The following DROSHA variants were observed in gnomAD, a reference collection of about 807,000 sequenced individuals.
DROSHA encodes the protein drosha ribonuclease III.
In DROSHA, 56 loss-of-function variants were observed where a neutral mutation model predicts 181.9. The observed-to-expected ratio is 0.31, with a 90% confidence interval of 0.25 to 0.38. The LOEUF (loss-of-function observed/expected upper bound fraction) is 0.38, where lower values mean the gene tolerates loss of function less well. DROSHA is among the 10% of genes least tolerant of loss of function. The pLI, the probability that DROSHA is intolerant of heterozygous loss-of-function variation, is 1.00. For synonymous variants in DROSHA, 524 were observed against 591.2 expected, an observed-to-expected ratio of 0.89 and a Z score of 1.65; for missense variants, 1,218 against 1,743.5, an observed-to-expected ratio of 0.70 and a Z score of 5.37.
At chr5:31,521,100 T>C (rs776021467) in intron 6 of DROSHA, 23 bp downstream of exon 6, 2 of 1,610,428 alleles carry the variant, frequency 1.2e-6, no homozygotes, top group Admixed American at 1.7e-5. Context: ...TATGACTTCT[T>C]TCAGTGTCAA....
At chr5:31,454,356 G>C (rs1417265783) in intron 20 of DROSHA, among the ~76,000 whole-genome samples, 1 of 152,194 alleles carries the variant, frequency 6.6e-6, no homozygotes, top group African/African-American at 2.4e-5. Flanking sequence ...TTTCGCAAGA[G>C]AGGGAAACGA....
chr5:31,446,813 A>T (rs1746361862), intron 23 of DROSHA, among the ~76,000 whole-genome samples: 1 of 152,126 alleles, frequency 6.6e-6, no homozygotes, highest in Admixed American at 6.5e-5. Flanking sequence ...CCCAAGGCAG[A>T]TGGATAACTT....
rs138673930 is a variant in DROSHA at position 31,422,195 on chromosome 5, C to G, written c.3419+592G>C. ...ACAAAAAAAAATCTATGATAAGAATCTTTCATCTTTACAGGTTAAAGAGAG... is the reference window on the plus strand; with the variant it reads ...ACAAAAAAAAATCTATGATAAGAATGTTTCATCTTTACAGGTTAAAGAGAG... On this transcript the variant is annotated intron_variant, in intron 29 of 35. Coordinates refer to ENST00000344624, the MANE Select transcript of DROSHA (RefSeq NM_001382508.1). Among the ~76,000 whole-genome samples the G allele has an allele frequency of 1.1e-3, 163 of 151,838 alleles. No individual in the cohort carries two copies. The Middle Eastern group carries it at 0.014, about 13-fold the overall frequency.
intron 6 of DROSHA, 116 bp downstream of exon 6, chr5:31,521,007 A>T (rs1739828045): frequency 1.0e-6 from 1 of 953,918 alleles, no homozygotes. Flanking sequence ...TTCACAGGTC[A>T]TCTTGGACAG....
intron 20 of DROSHA, among the ~76,000 whole-genome samples, chr5:31,459,408 A>G (rs1447944975): frequency 9.1e-6 from 1 of 109,698 alleles, no homozygotes; most frequent in Non-Finnish European, 1.9e-5. Flanking sequence ...CAAGACTCCC[A>G]TGTCTTAAAA....
intron 23 of DROSHA, among the ~76,000 whole-genome samples, chr5:31,447,432 T>C (rs992658803): frequency 5.3e-5 from 8 of 152,190 alleles, no homozygotes; most frequent in African/African-American, 1.4e-4. Context: ...ACATAATGCC[T>C]ATCAAAATCC....
At chr5:31,485,570 G>A (rs766413140) in intron 14 of DROSHA, among the ~76,000 whole-genome samples, 4 of 145,506 alleles carry the variant, frequency 2.7e-5, no homozygotes, top group Non-Finnish European at 4.5e-5. Context: ...GTGAGATCAC[G>A]CCAGAAGTCA....
chr5:31,491,297 C>T (rs1752374050), intron 13 of DROSHA, among the ~76,000 whole-genome samples: 1 of 148,726 alleles, frequency 6.7e-6, no homozygotes, highest in Non-Finnish European at 1.5e-5. Context: ...ATGGTAAACA[C>T]TTTTCATGTG....
At chr5:31,478,125 G>A (rs537312048) in intron 16 of DROSHA, among the ~76,000 whole-genome samples, 8 of 152,136 alleles carry the variant, frequency 5.3e-5, no homozygotes, top group South Asian at 2.1e-4. Context: ...TGAAAAATGC[G>A]GAAAGTTACT....
chr5:31,493,772 T>C lies in DROSHA; in HGVS notation c.1756-479A>G, dbSNP rs79449642. 3.6e-3 allele frequency among the ~76,000 whole-genome samples: 546 copies of C among 152,216 alleles called. 2 individuals are homozygous for C. The highest frequency in any genetic ancestry group is 0.013 in the African/African-American group (521 of 41,532). On this transcript the variant is annotated intron_variant, in intron 12 of 35. Coordinates refer to ENST00000344624, the MANE Select transcript of DROSHA (RefSeq NM_001382508.1). ...GAAGGTCAACCCCTCATAGCTCTAT[T>C]CCCAGCCTCTCCAAGAAGTCAACCA... is the stretch of plus-strand genomic sequence containing the variant.
intron 9 of DROSHA, among the ~76,000 whole-genome samples, chr5:31,509,671 A>C (rs1738432569): frequency 6.6e-6 from 1 of 152,246 alleles, no homozygotes; most frequent in South Asian, 2.1e-4. Context: ...GGAATGCAAG[A>C]CCAAAGACTT....
intron 34 of DROSHA, among the ~76,000 whole-genome samples, chr5:31,406,295 G>A (rs2149984846): frequency 6.6e-6 from 1 of 152,144 alleles, no homozygotes; most frequent in South Asian, 2.1e-4. Flanking sequence ...GGGACCACTT[G>A]AGGTCAGAAG....
At chr5:31,442,364 G>A (rs1385123211) in intron 23 of DROSHA, among the ~76,000 whole-genome samples, 2 of 152,154 alleles carry the variant, frequency 1.3e-5, no homozygotes, top group Admixed American at 1.3e-4. Context: ...GGAAGAGTGG[G>A]CTGCTAGTCC....
chr5:31,475,994 A>T lies in DROSHA; in HGVS notation c.2072-3762T>A, dbSNP rs56063263. ...TACTTAAGACTACAAACCAAGACTC[A>T]CTTAAAGGCTTCATTTCTGTAGAAA... On this transcript the variant is annotated intron_variant, in intron 16 of 35. Transcript: ENST00000344624. Among the ~76,000 whole-genome samples the T allele has an allele frequency of 4.6e-5, 7 of 152,324 alleles. No homozygotes were observed. The East Asian group carries it at 5.8e-4, about 13-fold the overall frequency.
At chr5:31,457,313 C>T (rs897752769) in intron 20 of DROSHA, among the ~76,000 whole-genome samples, 2 of 151,798 alleles carry the variant, frequency 1.3e-5, no homozygotes, top group African/African-American at 4.8e-5. Flanking sequence ...TTAGTAGAGA[C>T]AGCGTTTCAC....
intron 30 of DROSHA, among the ~76,000 whole-genome samples, chr5:31,414,607 G>A (rs1232980072): frequency 6.6e-6 from 1 of 152,132 alleles, no homozygotes; most frequent in Non-Finnish European, 1.5e-5. Context: ...GAATTAGAGT[G>A]GATGACATAT....
intron 30 of DROSHA, among the ~76,000 whole-genome samples, chr5:31,415,465 G>A (rs1017134960): frequency 2.0e-5 from 3 of 152,276 alleles, no homozygotes; most frequent in Admixed American, 1.3e-4. Context: ...CCTCATACAG[G>A]AGGCTGTGTA....
At chr5:31,490,450 G>A (rs1003600523) in intron 13 of DROSHA, among the ~76,000 whole-genome samples, 6 of 152,126 alleles carry the variant, frequency 3.9e-5, no homozygotes, top group African/African-American at 1.4e-4. Context: ...AGGATTACAG[G>A]TGTGAGCCAC....
chr5:31,467,915 G>C, intron 18 of DROSHA, 24 bp downstream of exon 18: 1 of 1,607,994 alleles, frequency 6.2e-7, no homozygotes, highest in Non-Finnish European at 8.5e-7. Flanking sequence ...AATTGGCTAA[G>C]ACAAACACTG....
Sources: gnomAD v4.1 joint callset for allele counts (sites outside exome capture counted in the v4.1 genomes callset) on GRCh38, gnomAD v4.1.1 for gene constraint, MANE v1.5 for transcripts, NCBI Gene and HGNC (gene_info 2026-07-23, HGNC 2026-07-21) for gene names.